ARHGAP10: variants seen among roughly 807,000 people sequenced by gnomAD.
ARHGAP10 encodes rho GTPase-activating protein 10.
A neutral mutation model predicts 108.6 loss-of-function variants in ARHGAP10; 87 were observed. That is an observed-to-expected ratio of 0.80 (90% confidence interval 0.67 to 0.96). The LOEUF (loss-of-function observed/expected upper bound fraction) is 0.96. Ranked by LOEUF, ARHGAP10 falls within the 40% of genes least tolerant of loss-of-function variation. The pLI, the probability that ARHGAP10 is intolerant of heterozygous loss-of-function variation, is 0.00. For synonymous variants in ARHGAP10, 347 were observed against 341.1 expected, an observed-to-expected ratio of 1.02 and a Z score of -0.19; for missense variants, 939 against 954.5, an observed-to-expected ratio of 0.98 and a Z score of 0.21.
At chr4:147,970,858 C>T (rs149280230) in intron 18 of ARHGAP10, among the ~76,000 whole-genome samples, 2,392 of 152,214 alleles carry the variant, frequency 0.016, 45 homozygotes, top group South Asian at 0.054. Context: ...GAGGCCAAGG[C>T]GGGCAGATCA....
intron 12 of ARHGAP10, 116 bp downstream of exon 12, chr4:147,909,893 A>C (rs959091340): frequency 6.0e-6 from 6 of 998,514 alleles, no homozygotes; most frequent in Non-Finnish European, 9.2e-6. Flanking sequence ...TATTAGACAG[A>C]GGGGTATTAC....
intron 1 of ARHGAP10, among the ~76,000 whole-genome samples, chr4:147,769,513 T>G (rs1729984426): frequency 6.6e-6 from 1 of 152,222 alleles, no homozygotes; most frequent in Admixed American, 6.5e-5. Flanking sequence ...TGTAATAAAT[T>G]CCTTGTTAAC....
chr4:147,950,856 T>G (rs1029564954), intron 15 of ARHGAP10, among the ~76,000 whole-genome samples: 1 of 152,202 alleles, frequency 6.6e-6, no homozygotes, highest in Non-Finnish European at 1.5e-5. Flanking sequence ...TTGTGATGTT[T>G]CTAGTCAAAT....
At chr4:148,045,171 A>C (rs1003037924) in intron 19 of ARHGAP10, among the ~76,000 whole-genome samples, 5 of 152,208 alleles carry the variant, frequency 3.3e-5, no homozygotes, top group Non-Finnish European at 4.4e-5. Context: ...TTCTTAACAG[A>C]ATGTTCTGCA....
At chr4:148,004,411 C>G (rs1740859400) in intron 18 of ARHGAP10, among the ~76,000 whole-genome samples, 1 of 152,216 alleles carries the variant, frequency 6.6e-6, no homozygotes, top group African/African-American at 2.4e-5. Context: ...TTGTGGCAGA[C>G]TCACCCTAAG....
intron 1 of ARHGAP10, among the ~76,000 whole-genome samples, chr4:147,814,408 A>C (rs1484194283): frequency 1.3e-5 from 2 of 151,948 alleles, no homozygotes; most frequent in African/African-American, 4.8e-5. Context: ...TAAGTTTCTC[A>C]TTTGTGCCGT....
rs1456828061 is a variant in ARHGAP10, at chr4:147,834,872, T to A, written c.312+11915T>A. ...CAGTCTTCCCTGGCTCCCTCCCCAT[T>A]TTCTCTCACAGATGTTTCCCCTAAT... On this transcript the variant is annotated intron_variant, in intron 3 of 22. Transcript: ENST00000336498. Among the ~76,000 whole-genome samples the A allele has an allele frequency of 3.3e-5, 5 of 151,886 alleles. No homozygotes were observed. In the South Asian group the frequency reaches 8.4e-4, roughly 25 times the overall value.
chr4:147,973,407 T>C (rs540429375), intron 18 of ARHGAP10, among the ~76,000 whole-genome samples: 19 of 152,242 alleles, frequency 1.2e-4, no homozygotes, highest in African/African-American at 4.1e-4. Context: ...TTTTCGTGGG[T>C]ACATAGTTGG....
At chr4:148,047,455 A>C (rs1258532704) in intron 20 of ARHGAP10, among the ~76,000 whole-genome samples, 2 of 152,250 alleles carry the variant, frequency 1.3e-5, no homozygotes, top group Non-Finnish European at 1.5e-5. Context: ...AATTTCTGAG[A>C]GCATTATGCT....
chr4:147,922,645 G>T (rs918551947), intron 13 of ARHGAP10, among the ~76,000 whole-genome samples: 4 of 136,582 alleles, frequency 2.9e-5, no homozygotes, highest in South Asian at 2.3e-4. Flanking sequence ...CCGAGATCCC[G>T]CCACTGCACT....
At chr4:147,847,829 G>A (rs1733698155) in intron 4 of ARHGAP10, among the ~76,000 whole-genome samples, 1 of 152,210 alleles carries the variant, frequency 6.6e-6, no homozygotes, top group Non-Finnish European at 1.5e-5. Flanking sequence ...GAATAATGCA[G>A]TGGTTTTGCC....
At chr4:147,992,693 A>G (rs140583860) in intron 18 of ARHGAP10, among the ~76,000 whole-genome samples, 2,729 of 152,280 alleles carry the variant, frequency 0.018, 29 homozygotes, top group Non-Finnish European at 0.027. Flanking sequence ...GACGTGAGCC[A>G]TTGCACCTGG....
In ARHGAP10 at chr4:147,733,661, G is replaced by A. The variant is rs1336695890; in HGVS notation, c.154+1206G>A. ...TCAGTAAGGGCGATTAAAACATATT[G>A]ATTATACTGTCTCGGGCACCCAGCA... On this transcript the variant is annotated intron_variant, in intron 1 of 22. Coordinates refer to ENST00000336498, the MANE Select transcript of ARHGAP10 (RefSeq NM_024605.4). 8.5e-5 allele frequency among the ~76,000 whole-genome samples: 13 copies of A among 152,186 alleles called. 1 individual carries two copies. Among genetic ancestry groups the A allele is most frequent in the Admixed American group, 8.5e-4 (13 of 15,280 alleles).
At chr4:147,908,417 G>A (rs191828281) in intron 11 of ARHGAP10, among the ~76,000 whole-genome samples, 10 of 152,320 alleles carry the variant, frequency 6.6e-5, no homozygotes, top group African/African-American at 2.2e-4. Flanking sequence ...GGCAATGTCA[G>A]TGTAACCTTC....
At chr4:148,035,083 C>T (rs1362065083) in intron 19 of ARHGAP10, among the ~76,000 whole-genome samples, 1 of 152,140 alleles carries the variant, frequency 6.6e-6, no homozygotes, top group Non-Finnish European at 1.5e-5. Context: ...GGAGTTGTAA[C>T]CTGATGCCTA....
At chr4:147,911,754 G>C (rs1226984975) in intron 12 of ARHGAP10, among the ~76,000 whole-genome samples, 1 of 152,000 alleles carries the variant, frequency 6.6e-6, no homozygotes. Flanking sequence ...ATTAGAAAAA[G>C]TATAAAAATT....
At chr4:148,030,245 G>T (rs1256126785) in intron 19 of ARHGAP10, among the ~76,000 whole-genome samples, 1 of 152,140 alleles carries the variant, frequency 6.6e-6, no homozygotes. Context: ...TCTCCCTGTG[G>T]AGTGGGTTTT....
chr4:147,847,316 C>A, intron 4 of ARHGAP10, 94 bp downstream of exon 4: 1 of 1,088,184 alleles, frequency 9.2e-7, no homozygotes, highest in Non-Finnish European at 1.4e-6. Flanking sequence ...GAAGGAGATG[C>A]CGGAGCAAAC....
chr4:148,030,144 T>TA (rs1033675187), intron 19 of ARHGAP10, among the ~76,000 whole-genome samples: 1 of 152,052 alleles, frequency 6.6e-6, no homozygotes, highest in African/African-American at 2.4e-5. Flanking sequence ...TTAATGCCTT[T>TA]AAAAAAAATA....
Sources: gnomAD v4.1 joint callset for allele counts (sites outside exome capture counted in the v4.1 genomes callset) on GRCh38, gnomAD v4.1.1 for gene constraint, MANE v1.5 for transcripts, NCBI Gene and HGNC (gene_info 2026-07-23, HGNC 2026-07-21) for gene names.